The following LUZP2 variants were observed in gnomAD, a reference collection of about 807,000 sequenced individuals.
The protein encoded by LUZP2 is leucine zipper protein 2.
Under a neutral mutation model 51.6 loss-of-function variants are expected in LUZP2, and 52 were observed. That is an observed-to-expected ratio of 1.01 (90% confidence interval 0.81 to 1.27). LUZP2 has a LOEUF of 1.27. Among genes scored for constraint, LUZP2 ranks in the 50% most tolerant of loss-of-function variants. The pLI is 0.00. For synonymous variants in LUZP2, 154 were observed against 137.3 expected, an observed-to-expected ratio of 1.12 and a Z score of -0.85; for missense variants, 436 against 395.4, an observed-to-expected ratio of 1.10 and a Z score of -0.87.
intron 5 of LUZP2, among the ~76,000 whole-genome samples, chr11:24,779,177 A>AT (rs1397264561): frequency 7.2e-5 from 11 of 152,186 alleles, no homozygotes; most frequent in Non-Finnish European, 1.3e-4. Context: ...AAAGAAGTTG[A>AT]TTTTTTTAAA....
intron 10 of LUZP2, among the ~76,000 whole-genome samples, chr11:25,052,522 A>C (rs1487876679): frequency 6.6e-6 from 1 of 152,198 alleles, no homozygotes; most frequent in Non-Finnish European, 1.5e-5. Context: ...AGCTTTTAGA[A>C]AGTCAGATTC....
chr11:24,780,859 A>G (rs1849070585), intron 5 of LUZP2, among the ~76,000 whole-genome samples: 1 of 152,140 alleles, frequency 6.6e-6, no homozygotes, highest in Admixed American at 6.6e-5. Flanking sequence ...TTAAAATGTT[A>G]TTTTTAAGAA....
chr11:24,569,215 C>T (rs951074367), intron 1 of LUZP2, among the ~76,000 whole-genome samples: 3 of 152,020 alleles, frequency 2.0e-5, no homozygotes, highest in Non-Finnish European at 4.4e-5. Flanking sequence ...TTTGTATCTA[C>T]ATCTACATTT....
At chr11:24,874,851 G>T (rs539090008) in intron 5 of LUZP2, among the ~76,000 whole-genome samples, 68 of 152,160 alleles carry the variant, frequency 4.5e-4, no homozygotes, top group African/African-American at 1.6e-3. Context: ...CCTCAATTGG[G>T]ATGAGAAAAG....
chr11:24,633,835 T>C (rs1390542611), intron 1 of LUZP2, among the ~76,000 whole-genome samples: 1 of 151,924 alleles, frequency 6.6e-6, no homozygotes, highest in Non-Finnish European at 1.5e-5. Context: ...TAACTTTCTA[T>C]AAAAGATATA....
At chr11:24,901,873 T>A (rs1452042369) in intron 5 of LUZP2, among the ~76,000 whole-genome samples, 1 of 152,208 alleles carries the variant, frequency 6.6e-6, no homozygotes, top group Non-Finnish European at 1.5e-5. Context: ...TCTCTCTCCC[T>A]TATTTCAATA....
chr11:25,032,801 C>T (rs1857729940), intron 9 of LUZP2, among the ~76,000 whole-genome samples: 2 of 152,088 alleles, frequency 1.3e-5, no homozygotes, highest in Non-Finnish European at 2.9e-5. Flanking sequence ...GCAAGGGGGC[C>T]TTATACAATA....
intron 1 of LUZP2, among the ~76,000 whole-genome samples, chr11:24,551,396 G>C (rs1350155783): frequency 6.6e-6 from 1 of 152,018 alleles, no homozygotes; most frequent in Non-Finnish European, 1.5e-5. Context: ...AAGTCCATAA[G>C]AATATAAAAT....
chr11:24,597,905 C>T (rs1189712560), intron 1 of LUZP2, among the ~76,000 whole-genome samples: 1 of 152,012 alleles, frequency 6.6e-6, no homozygotes, highest in Non-Finnish European at 1.5e-5. Flanking sequence ...AGTTCAAGAC[C>T]AGCCTTGTCA....
intron 1 of LUZP2, among the ~76,000 whole-genome samples, chr11:24,602,963 A>G: frequency 6.6e-6 from 1 of 151,948 alleles, no homozygotes; most frequent in South Asian, 2.1e-4. Context: ...TGTTTATATT[A>G]AAATCTTTAA....
At chr11:24,899,779 A>G (rs935549282) in intron 5 of LUZP2, among the ~76,000 whole-genome samples, 4 of 152,150 alleles carry the variant, frequency 2.6e-5, no homozygotes, top group African/African-American at 4.8e-5. Context: ...TAAGCACCTA[A>G]AAGAGCTTCA....
At chr11:24,556,255 T>C (rs995588175) in intron 1 of LUZP2, among the ~76,000 whole-genome samples, 1 of 152,206 alleles carries the variant, frequency 6.6e-6, no homozygotes, top group Non-Finnish European at 1.5e-5. Context: ...GTTGAAAGTT[T>C]TGTGAAGAAC....
At chr11:24,796,917 C>T (rs1849563817) in intron 5 of LUZP2, among the ~76,000 whole-genome samples, 1 of 152,018 alleles carries the variant, frequency 6.6e-6, no homozygotes, top group Non-Finnish European at 1.5e-5. Context: ...GTGAACCATC[C>T]TTACATGAAG....
chr11:24,902,965 G>A (rs1447048042), intron 5 of LUZP2, among the ~76,000 whole-genome samples: 1 of 152,094 alleles, frequency 6.6e-6, no homozygotes, highest in Non-Finnish European at 1.5e-5. Flanking sequence ...ATTTTAAATA[G>A]TATATACTAC....
At chr11:25,029,054 G>A (rs1292008637) in intron 9 of LUZP2, among the ~76,000 whole-genome samples, 1 of 152,138 alleles carries the variant, frequency 6.6e-6, no homozygotes, top group Non-Finnish European at 1.5e-5. Context: ...TGGACATAGA[G>A]AGTAGAAAAA....
At chr11:24,675,000 G>C (rs572594234) in intron 1 of LUZP2, among the ~76,000 whole-genome samples, 1 of 152,116 alleles carries the variant, frequency 6.6e-6, no homozygotes, top group Non-Finnish European at 1.5e-5. Flanking sequence ...ATATATCGTG[G>C]CCTGACTGTA....
At chr11:24,909,929 G>A (rs934866479) in intron 6 of LUZP2, among the ~76,000 whole-genome samples, 34 of 152,150 alleles carry the variant, frequency 2.2e-4, no homozygotes, top group Admixed American at 1.9e-3. Flanking sequence ...AAAACAAGAA[G>A]ATGTGGGGTA....
intron 1 of LUZP2, among the ~76,000 whole-genome samples, chr11:24,639,831 G>T (rs1365879259): frequency 6.6e-6 from 1 of 151,710 alleles, no homozygotes; most frequent in Non-Finnish European, 1.5e-5. Context: ...CTCTCTCACT[G>T]CAGTTCCACT....
chr11:24,812,161 A>AT (rs1439013642), intron 5 of LUZP2, among the ~76,000 whole-genome samples: 2 of 152,008 alleles, frequency 1.3e-5, no homozygotes, highest in East Asian at 3.9e-4. Flanking sequence ...TAAAATATGT[A>AT]TTTTTTATGT....
Sources: gnomAD v4.1 joint callset for allele counts (sites outside exome capture counted in the v4.1 genomes callset) on GRCh38, gnomAD v4.1.1 for gene constraint, MANE v1.5 for transcripts, NCBI Gene and HGNC (gene_info 2026-07-23, HGNC 2026-07-21) for gene names.